Variants in MIPOL1 observed in about 807,000 individuals in gnomAD.
MIPOL1 encodes the protein mirror-image polydactyly gene 1 protein.
A neutral mutation model predicts 60.9 loss-of-function variants in MIPOL1; 57 were observed. The ratio of observed to expected loss-of-function variants is 0.94; its 90% confidence interval spans 0.76 to 1.17. The LOEUF is 1.17. Among genes scored for constraint, MIPOL1 ranks in the 50% most tolerant of loss-of-function variants. MIPOL1 has a pLI of 0.00. For missense variants in MIPOL1, 551 were observed against 511.6 expected, an observed-to-expected ratio of 1.08 and a Z score of -0.74; for synonymous variants, 179 against 168.8, an observed-to-expected ratio of 1.06 and a Z score of -0.47.
intron 1 of MIPOL1, among the ~76,000 whole-genome samples, chr14:37,225,079 G>A (rs1203135237): frequency 6.6e-6 from 1 of 152,144 alleles, no homozygotes. Context: ...TGCAAGAGGT[G>A]GGTTCCCATG....
chr14:37,257,095 T>TTGTGTGTGTGTGTGTGTGTGTG (rs61079220), intron 3 of MIPOL1, among the ~76,000 whole-genome samples: 2 of 137,708 alleles, frequency 1.5e-5, no homozygotes, highest in Non-Finnish European at 3.1e-5. Flanking sequence ...TGGTTTTGTT[T>TTGTGTGTGTGTGTGTGTGTGTG]TGTGTGTGTG....
chr14:37,231,254 A>C (rs1210695633), intron 1 of MIPOL1, among the ~76,000 whole-genome samples: 2 of 151,940 alleles, frequency 1.3e-5, no homozygotes, highest in Non-Finnish European at 2.9e-5. Context: ...TGCCCAGCTA[A>C]TGTTTTTATT....
At position 37,370,418 on chromosome 14, in the gene MIPOL1, A is replaced by G. The variant is rs1011526804; in HGVS notation, c.936+794A>G. ...AAGAAATCCATGAGAAACAGAAAAG[A>G]TTCATCAGTTTTTATTGTACAATAA... On this transcript the variant is annotated intron_variant, in intron 10 of 12. Transcript: ENST00000684589. Among the ~76,000 whole-genome samples the G allele has an allele frequency of 1.0e-3, 9 of 8,998 alleles. No individual in the cohort carries two copies. The East Asian group carries it at 0.39, about 389-fold the overall frequency. The allele number at this position is 8,998 out of a possible 152,430, so 5.9% of individuals were successfully genotyped here. A position where few individuals can be genotyped will look rare whatever the true frequency, so the allele number is the denominator to read the frequency against.
In MIPOL1 at chr14:37,372,917, G is replaced by T. The variant is rs965921723; in HGVS notation, c.936+3293G>T. ...GAAAGTTACTTTTTTTTAAAAAACA[G>T]CTTATTTTCTTGTTTAAAGTAAATT... On this transcript the variant is annotated intron_variant, in intron 10 of 12. Coordinates refer to ENST00000684589, the MANE Select transcript of MIPOL1 (RefSeq NM_001388067.1). Among the ~76,000 whole-genome samples the T allele has an allele frequency of 2.0e-5, 3 of 151,964 alleles. No homozygotes were observed. In the East Asian group the frequency reaches 5.8e-4, roughly 29 times the overall value.
At chr14:37,353,238 G>C (rs1316036533) in intron 9 of MIPOL1, among the ~76,000 whole-genome samples, 2 of 143,610 alleles carry the variant, frequency 1.4e-5, no homozygotes, top group South Asian at 2.4e-4. Flanking sequence ...AACCAGCCTT[G>C]CATCCCAGGG....
chr14:37,413,274 T>C (rs1487842203), intron 10 of MIPOL1, among the ~76,000 whole-genome samples: 3 of 152,172 alleles, frequency 2.0e-5, no homozygotes, highest in African/African-American at 7.2e-5. Context: ...AATATAAATG[T>C]TAATGTAAAT....
chr14:37,339,242 A>C lies in MIPOL1; in HGVS notation c.829-30275A>C, dbSNP rs566735551. Among the ~76,000 whole-genome samples the C allele has an allele frequency of 1.4e-4, 21 of 152,346 alleles. No individual in the cohort carries two copies. The South Asian group carries it at 2.3e-3, about 17-fold the overall frequency. On this transcript the variant is annotated intron_variant, in intron 9 of 12. Coordinates refer to ENST00000684589, the MANE Select transcript of MIPOL1 (RefSeq NM_001388067.1). ...TATCAATTGTGATCAGGAAAACATA[A>C]ATTTAAATATGCTACTACATCACAT...
intron 9 of MIPOL1, among the ~76,000 whole-genome samples, chr14:37,361,606 CTCTCTT>C (rs2092250143): frequency 1.6e-5 from 2 of 128,270 alleles, no homozygotes; most frequent in Non-Finnish European, 3.1e-5. Context: ...TTCTCCCTCT[CTCTCTT>C]TTTTTTTTTT....
intron 11 of MIPOL1, among the ~76,000 whole-genome samples, chr14:37,428,834 G>A (rs944270548): frequency 2.0e-5 from 3 of 152,054 alleles, no homozygotes; most frequent in East Asian, 1.9e-4. Flanking sequence ...AAAATGAAGT[G>A]TTGGTCTTTT....
intron 6 of MIPOL1, among the ~76,000 whole-genome samples, chr14:37,284,878 A>G (rs2084419671): frequency 6.6e-6 from 1 of 152,238 alleles, no homozygotes; most frequent in Non-Finnish European, 1.5e-5. Flanking sequence ...AAGCAATGCT[A>G]CAGTAAGTAT....
rs869258490 is a variant in MIPOL1, at chr14:37,431,569, CTTTTTTTTT to C, written c.1031+8639_1031+8647del. On this transcript the variant is annotated intron_variant, in intron 11 of 12. Transcript: ENST00000684589. ...CTTGATATTGCTGCCATCTCTGTTT[CTTTTTTTTT>C]TTTTTTTTTTTTTTTTTTGAGACAG... 4.3e-3 allele frequency among the ~76,000 whole-genome samples: 278 copies of C among 64,846 alleles called. 3 individuals are homozygous for C. Among genetic ancestry groups the C allele is most frequent in the African/African-American group, 0.016 (247 of 15,634 alleles). The allele number at this position is 64,846 out of a possible 152,430, so 42.5% of individuals were successfully genotyped here.
chr14:37,385,842 G>T lies in MIPOL1; in HGVS notation c.936+16218G>T, dbSNP rs369590837. On this transcript the variant is annotated intron_variant, in intron 10 of 12. Coordinates refer to ENST00000684589, the MANE Select transcript of MIPOL1 (RefSeq NM_001388067.1). Reference sequence around the variant, plus strand: ...AAGAAGTTTGTGAAAAATAAAAATTGATATACCATTTTAGAGAGAAACAAA... The same window carrying T: ...AAGAAGTTTGTGAAAAATAAAAATTTATATACCATTTTAGAGAGAAACAAA... 4.6e-5 allele frequency: 7 copies of T among 152,058 alleles called. No individual in the cohort carries two copies. The East Asian group carries it at 1.4e-3, about 29-fold the overall frequency. The allele number at this position is 152,058 out of a possible 1,614,324, so 9.4% of individuals were successfully genotyped here. A position where few individuals can be genotyped will look rare whatever the true frequency, so the allele number is the denominator to read the frequency against.
intron 11 of MIPOL1, among the ~76,000 whole-genome samples, chr14:37,498,361 TAAAC>T (rs1268470692): frequency 6.6e-6 from 1 of 152,202 alleles, no homozygotes; most frequent in Non-Finnish European, 1.5e-5. Flanking sequence ...ATAAAGAACA[TAAAC>T]AAGTACCTTT....
At chr14:37,397,551 C>T (rs1452155921) in intron 10 of MIPOL1, among the ~76,000 whole-genome samples, 1 of 152,070 alleles carries the variant, frequency 6.6e-6, no homozygotes, top group Non-Finnish European at 1.5e-5. Context: ...CCCTAAAATT[C>T]CCAAGAGTAC....
chr14:37,545,145 G>C (rs1314264478), intron 12 of MIPOL1, among the ~76,000 whole-genome samples: 13 of 152,128 alleles, frequency 8.5e-5, no homozygotes, highest in African/African-American at 3.1e-4. Context: ...ATATTTTCTG[G>C]CTTTTAACAA....
At chr14:37,199,547 TGGAGTCTC>T (rs1369395309) in intron 1 of MIPOL1, among the ~76,000 whole-genome samples, 1 of 152,016 alleles carries the variant, frequency 6.6e-6, no homozygotes, top group African/African-American at 2.4e-5. Context: ...TTTTTTGAGA[TGGAGTCTC>T]GCTCTGCCGC....
chr14:37,387,460 A>G (rs2093104650), intron 10 of MIPOL1, among the ~76,000 whole-genome samples: 1 of 151,796 alleles, frequency 6.6e-6, no homozygotes, highest in Non-Finnish European at 1.5e-5. Flanking sequence ...AAAGGGGAGG[A>G]AGGATTCTCG....
intron 10 of MIPOL1, among the ~76,000 whole-genome samples, chr14:37,370,945 G>C (rs764603347): frequency 1.7e-4 from 26 of 152,198 alleles, no homozygotes; most frequent in Admixed American, 1.2e-3. Flanking sequence ...CAGATTTAAT[G>C]GGCTTAATAT....
At position 37,431,569 on chromosome 14, in the gene MIPOL1, CTTT is replaced by C. The variant is rs869258490; in HGVS notation, c.1031+8645_1031+8647del. 9.3e-5 allele frequency among the ~76,000 whole-genome samples: 6 copies of C among 64,832 alleles called. No individual in the cohort carries two copies. In the East Asian group the frequency reaches 2.2e-3, roughly 24 times the overall value. The allele number at this position is 64,832 out of a possible 152,430, so 42.5% of individuals were successfully genotyped here. ...CTTGATATTGCTGCCATCTCTGTTT[CTTT>C]TTTTTTTTTTTTTTTTTTTTTTTTG... On this transcript the variant is annotated intron_variant, in intron 11 of 12. Transcript: ENST00000684589.
Sources: allele counts gnomAD v4.1 joint callset (sites outside exome capture counted in the v4.1 genomes callset), GRCh38; gene constraint gnomAD v4.1.1; transcripts MANE v1.5; gene names NCBI Gene and HGNC (gene_info 2026-07-23, HGNC 2026-07-21).